Variants in CCNH observed in about 807,000 individuals in gnomAD.
The protein encoded by CCNH is cyclin-H.
Under a neutral mutation model 41.9 loss-of-function variants are expected in CCNH, and 31 were observed. The observed-to-expected ratio is 0.74, with a 90% CI of 0.56 to 1.00. The LOEUF (loss-of-function observed/expected upper bound fraction) is 1.00, where lower values mean the gene tolerates loss of function less well. Ranked by LOEUF, CCNH falls within the 50% of genes least tolerant of loss-of-function variation. The probability of loss-of-function intolerance (pLI) is 0.00; values close to 1 mark genes in which losing one functional copy is unlikely to be tolerated. For missense variants in CCNH, 362 were observed against 388.4 expected, an observed-to-expected ratio of 0.93 and a Z score of 0.57; for synonymous variants, 138 against 136.1, an observed-to-expected ratio of 1.01 and a Z score of -0.10.
At chr5:87,352,445 A>G (rs1395211014) in intron 9 of CCNH, among the ~76,000 whole-genome samples, 1 of 151,756 alleles carries the variant, frequency 6.6e-6, no homozygotes, top group African/African-American at 2.4e-5. Flanking sequence ...CAAGATTTCC[A>G]TATTCAGGAC....
At position 87,370,668 on chromosome 5, in the gene CCNH, T is replaced by A. The variant is rs564315247; in HGVS notation, c.*90+22102A>T. Among the ~76,000 whole-genome samples the A allele has an allele frequency of 3.9e-5, 6 of 152,192 alleles. No individual in the cohort carries two copies. In the South Asian group the frequency reaches 1.0e-3, roughly 26 times the overall value. On this transcript the variant is annotated intron_variant and NMD_transcript_variant, in intron 9 of 9. Coordinates refer to the CCNH transcript ENST00000645953. ...AACTGAGACACTGTCTCTTAAAAAA[T>A]TTTTTTGCTTTCTTTGAACCCTAAT... is the stretch of plus-strand genomic sequence containing the variant.
chr5:87,363,550 T>A, intron 9 of CCNH: 1 of 1,582,460 alleles, frequency 6.3e-7, no homozygotes, highest in South Asian at 1.1e-5. Context: ...GTCTTAATAA[T>A]AAAATAGTAC....
At chr5:87,341,213 T>C in intron 9 of CCNH, 1 of 858,558 alleles carries the variant, frequency 1.2e-6, no homozygotes, top group East Asian at 3.4e-5. Context: ...TGTTTGCAGA[T>C]ACGATTTTCA....
At chr5:87,392,037 T>A (rs191257761), downstream of CCNH, 6 of 322,604 alleles carry the variant, frequency 1.9e-5, no homozygotes, top group Admixed American at 2.7e-4. Flanking sequence ...AGCTTTAGAT[T>A]AGTATTTTTG....
At chr5:87,406,991 CCA>C (rs780739450) in intron 4 of CCNH, among the ~76,000 whole-genome samples, 23 of 152,130 alleles carry the variant, frequency 1.5e-4, no homozygotes, top group Admixed American at 2.6e-4. Flanking sequence ...AACATTGTCT[CCA>C]CAGTCTAGAC....
intron 9 of CCNH, among the ~76,000 whole-genome samples, chr5:87,358,747 G>A (rs1043090560): frequency 1.3e-5 from 2 of 151,832 alleles, no homozygotes; most frequent in Non-Finnish European, 1.5e-5. Context: ...TTCTGAACTC[G>A]TCTCTTCCTA....
At chr5:87,333,105 C>T (rs115178262) in intron 9 of CCNH, among the ~76,000 whole-genome samples, 4,235 of 152,080 alleles carry the variant, frequency 0.028, 75 homozygotes, top group Non-Finnish European at 0.044. Flanking sequence ...AACAAAAAAG[C>T]CTTTCTAGGC....
intron 9 of CCNH, chr5:87,333,257 T>C (rs1561288077): frequency 6.2e-7 from 1 of 1,610,454 alleles, no homozygotes; most frequent in Admixed American, 1.7e-5. Flanking sequence ...TTTTTTTTTA[T>C]GGTTTCTAGC....
At chr5:87,346,085 GAATATAA>G (rs1398315323) in intron 9 of CCNH, among the ~76,000 whole-genome samples, 1 of 152,018 alleles carries the variant, frequency 6.6e-6, no homozygotes, top group Non-Finnish European at 1.5e-5. Context: ...TAAGAATACA[GAATATAA>G]AATACATAGC....
chr5:87,362,378 T>C (rs1760171961), intron 9 of CCNH, among the ~76,000 whole-genome samples: 1 of 152,186 alleles, frequency 6.6e-6, no homozygotes, highest in Non-Finnish European at 1.5e-5. Flanking sequence ...TCTTCGAAAT[T>C]ATAAGGAAGC....
intron 7 of CCNH, among the ~76,000 whole-genome samples, chr5:87,396,021 C>T (rs2112546624): frequency 6.6e-6 from 1 of 151,780 alleles, no homozygotes; most frequent in African/African-American, 2.4e-5. Flanking sequence ...CATCTGTGGA[C>T]TAAACCAACT....
intron 9 of CCNH, among the ~76,000 whole-genome samples, chr5:87,329,595 G>C (rs1456967732): frequency 2.0e-5 from 3 of 152,060 alleles, no homozygotes; most frequent in Non-Finnish European, 2.9e-5. Flanking sequence ...AGATGAAGGA[G>C]ATTAAAGAAA....
chr5:87,367,590 G>T (rs1161195917), intron 9 of CCNH, among the ~76,000 whole-genome samples: 1 of 152,072 alleles, frequency 6.6e-6, no homozygotes, highest in African/African-American at 2.4e-5. Context: ...CCATTTCCTT[G>T]TATTAAACTT....
chr5:87,374,942 A>T, downstream of CCNH: 1 of 1,594,356 alleles, frequency 6.3e-7, no homozygotes, highest in Non-Finnish European at 8.5e-7. Context: ...AACTTTCTAA[A>T]ATAGAAAAAG....
chr5:87,393,247 C>G (rs547136372), downstream of CCNH, among the ~76,000 whole-genome samples: 1 of 152,190 alleles, frequency 6.6e-6, no homozygotes, highest in South Asian at 2.1e-4. Flanking sequence ...TGTATTTGTG[C>G]AATTTAATTA....
In CCNH at chr5:87,382,394, C is replaced by A. The variant is rs547382019; in HGVS notation, c.*90+10376G>T. On this transcript the variant is annotated intron_variant and NMD_transcript_variant, in intron 9 of 9. Coordinates refer to the CCNH transcript ENST00000645953. ...CTCTAACAGAGAACAGAGATTGTAT[C>A]TATTAATCTATAGAAGGAATTGCGT... Among the ~76,000 whole-genome samples, 3 of 152,268 alleles carry A rather than the reference C, an allele frequency of 2.0e-5. No individual in the cohort carries two copies. In the East Asian group the frequency reaches 5.8e-4, roughly 29 times the overall value.
upstream of CCNH, among the ~76,000 whole-genome samples, chr5:87,377,767 A>C (rs1409176280): frequency 6.6e-6 from 1 of 152,098 alleles, no homozygotes; most frequent in Non-Finnish European, 1.5e-5. Context: ...GCCCACACAC[A>C]CCACCAAGCA....
At chr5:87,410,881 G>A (rs1347224873) in intron 2 of CCNH, among the ~76,000 whole-genome samples, 1 of 152,150 alleles carries the variant, frequency 6.6e-6, no homozygotes, top group Non-Finnish European at 1.5e-5. Context: ...AACATTTATT[G>A]GGTGTCACAG....
downstream of CCNH, among the ~76,000 whole-genome samples, chr5:87,372,505 A>G (rs948933222): frequency 3.9e-5 from 6 of 152,214 alleles, no homozygotes; most frequent in Non-Finnish European, 8.8e-5. Flanking sequence ...CTTTCAAAAA[A>G]GTAGAACATT....
Sources: gnomAD v4.1 joint callset for allele counts (sites outside exome capture counted in the v4.1 genomes callset) on GRCh38, gnomAD v4.1.1 for gene constraint, MANE v1.5 for transcripts, NCBI Gene and HGNC (gene_info 2026-07-23, HGNC 2026-07-21) for gene names.